Variants in FUT9 observed in about 807,000 individuals in gnomAD.
FUT9 encodes fucosyltransferase 9.
Under a neutral mutation model 29.7 loss-of-function variants are expected in FUT9, and 15 were observed. The ratio of observed to expected loss-of-function variants is 0.51; its 90% CI spans 0.34 to 0.78. FUT9 has a LOEUF of 0.78. Ranked by LOEUF, FUT9 falls within the 30% of genes least tolerant of loss-of-function variation. FUT9 has a pLI of 0.01. For missense variants in FUT9, 319 were observed against 425.4 expected, an observed-to-expected ratio of 0.75 and a Z score of 2.20; for synonymous variants, 169 against 153.7, an observed-to-expected ratio of 1.10 and a Z score of -0.74.
rs1159479698 is a variant in FUT9 at position 96,210,129 on chromosome 6, G to C, written c.*5894G>C. 3 of 166,902 alleles carry C rather than the reference G, an allele frequency of 1.8e-5. No individual in the cohort carries two copies. The highest frequency in any genetic ancestry group is 4.4e-5 in the Non-Finnish European group (3 of 68,042). 10.3% of individuals were successfully genotyped at this position (166,902 alleles called of 1,614,324 possible). A position where few individuals can be genotyped will look rare whatever the true frequency, so the allele number is the denominator to read the frequency against. ...AAAAATCTCCCCAGATGGTTCTGGT[G>C]TCCTGCTAGTTTTGAGGTTTTCATC... On this transcript the variant is annotated 3_prime_UTR_variant, in exon 3 of 3. Transcript: ENST00000302103.
At chr6:96,138,099 T>G (rs1772391076) in intron 2 of FUT9, among the ~76,000 whole-genome samples, 1 of 152,182 alleles carries the variant, frequency 6.6e-6, no homozygotes, top group Non-Finnish European at 1.5e-5. Context: ...ATATTCATAT[T>G]GCTTCTTTCA....
At chr6:96,048,501 CA>C (rs1770605706) in intron 1 of FUT9, among the ~76,000 whole-genome samples, 1 of 152,138 alleles carries the variant, frequency 6.6e-6, no homozygotes, top group Non-Finnish European at 1.5e-5. Context: ...GAAGGATTGA[CA>C]AAGAGAAGCA....
chr6:96,030,470 A>T (rs1262033216), intron 1 of FUT9, among the ~76,000 whole-genome samples: 1 of 151,544 alleles, frequency 6.6e-6, no homozygotes, highest in Non-Finnish European at 1.5e-5. Flanking sequence ...CAAAATCATG[A>T]CCTTACCAAG....
intron 2 of FUT9, among the ~76,000 whole-genome samples, chr6:96,146,909 A>C (rs191234244): frequency 9.5e-4 from 144 of 152,344 alleles, no homozygotes; most frequent in Non-Finnish European, 3.5e-4. Context: ...CCTGTCTTTG[A>C]ATAGCTGTAA....
At chr6:96,017,419 C>A (rs377049300) in intron 1 of FUT9, among the ~76,000 whole-genome samples, 2 of 151,752 alleles carry the variant, frequency 1.3e-5, no homozygotes, top group South Asian at 2.1e-4. Context: ...AGTTGGAGTG[C>A]GAGAAAATAA....
intron 2 of FUT9, among the ~76,000 whole-genome samples, chr6:96,190,977 G>C (rs974376996): frequency 6.6e-6 from 1 of 152,128 alleles, no homozygotes; most frequent in Non-Finnish European, 1.5e-5. Flanking sequence ...AAGGGGGAGA[G>C]GCACTCTGAT....
intron 2 of FUT9, among the ~76,000 whole-genome samples, chr6:96,130,551 T>C (rs1291258669): frequency 1.3e-5 from 2 of 152,180 alleles, no homozygotes; most frequent in African/African-American, 2.4e-5. Flanking sequence ...ATTCTGTAGA[T>C]TAACTGCAAT....
intron 1 of FUT9, among the ~76,000 whole-genome samples, chr6:96,069,765 G>A (rs1053998769): frequency 5.9e-5 from 9 of 151,792 alleles, no homozygotes; most frequent in Non-Finnish European, 8.8e-5. Flanking sequence ...CCTAGTAGCC[G>A]AACTACAGGC....
intron 2 of FUT9, among the ~76,000 whole-genome samples, chr6:96,125,422 A>G (rs578173535): frequency 1.8e-4 from 27 of 152,304 alleles, no homozygotes; most frequent in Non-Finnish European, 2.8e-4. Flanking sequence ...TTGAAATGTG[A>G]TATTGATTAC....
intron 2 of FUT9, among the ~76,000 whole-genome samples, chr6:96,155,975 T>C (rs934860267): frequency 6.6e-6 from 1 of 152,196 alleles, no homozygotes. Context: ...TTAACTTTTC[T>C]TTTGGAGGTT....
chr6:96,190,663 T>C (rs1244458742), intron 2 of FUT9, among the ~76,000 whole-genome samples: 1 of 152,206 alleles, frequency 6.6e-6, no homozygotes, highest in Non-Finnish European at 1.5e-5. Context: ...CATTTGATCT[T>C]CAATCACTGG....
At chr6:96,116,060 G>T (rs1771905467) in intron 2 of FUT9, among the ~76,000 whole-genome samples, 1 of 152,074 alleles carries the variant, frequency 6.6e-6, no homozygotes, top group African/African-American at 2.4e-5. Flanking sequence ...TCTGATAAAA[G>T]ATTTGTATCC....
In FUT9 at chr6:96,103,978, C is replaced by G. The variant is rs2053076955; in HGVS notation, c.-97-10061C>G. On this transcript the variant is annotated intron_variant, in intron 1 of 2. Transcript: ENST00000302103. ...GACTTCAACATGTCTTTTAGGGGTG[C>G]CATAATTCAATGCACAACAGGCGGC... 2.0e-5 allele frequency among the ~76,000 whole-genome samples: 3 copies of G among 152,078 alleles called. No homozygotes were observed. The South Asian group carries it at 6.2e-4, about 31-fold the overall frequency.
chr6:96,038,743 A>G (rs1344727965), intron 1 of FUT9, among the ~76,000 whole-genome samples: 1 of 152,068 alleles, frequency 6.6e-6, no homozygotes, highest in Admixed American at 6.6e-5. Context: ...GGCTTTGAAC[A>G]CTTTCTTAAT....
At chr6:96,132,061 A>G (rs1320773304) in intron 2 of FUT9, among the ~76,000 whole-genome samples, 2 of 152,046 alleles carry the variant, frequency 1.3e-5, no homozygotes. Context: ...TATCAATTGC[A>G]TTTCTTCCTG....
intron 2 of FUT9, among the ~76,000 whole-genome samples, chr6:96,169,358 T>C: frequency 6.6e-6 from 1 of 152,134 alleles, no homozygotes; most frequent in South Asian, 2.1e-4. Flanking sequence ...TATTTGAGAG[T>C]TCAGTGAAAT....
intron 2 of FUT9, among the ~76,000 whole-genome samples, chr6:96,144,737 T>A (rs554610484): frequency 1.8e-4 from 28 of 152,300 alleles, no homozygotes; most frequent in African/African-American, 6.3e-4. Context: ...ATAACAAAGA[T>A]GCACTTCAAT....
chr6:96,077,286 C>G (rs985516108), intron 1 of FUT9, among the ~76,000 whole-genome samples: 1 of 152,062 alleles, frequency 6.6e-6, no homozygotes, highest in African/African-American at 2.4e-5. Context: ...ATATTAGAAA[C>G]TTTAGTCAGT....
At chr6:96,057,395 G>A (rs932785234) in intron 1 of FUT9, among the ~76,000 whole-genome samples, 2 of 152,144 alleles carry the variant, frequency 1.3e-5, no homozygotes, top group African/African-American at 4.8e-5. Flanking sequence ...AATGCAGAGG[G>A]AGGAGAGAAA....
Sources: gnomAD v4.1 joint callset for allele counts (sites outside exome capture counted in the v4.1 genomes callset) on GRCh38, gnomAD v4.1.1 for gene constraint, MANE v1.5 for transcripts, NCBI Gene and HGNC (gene_info 2026-07-23, HGNC 2026-07-21) for gene names.